PDXDC1: variants seen among roughly 807,000 people sequenced by gnomAD.
PDXDC1 encodes pyridoxal-dependent decarboxylase domain-containing protein 1.
A neutral mutation model predicts 100.1 loss-of-function variants in PDXDC1; 42 were observed. That is an observed-to-expected ratio of 0.42 (90% confidence interval 0.33 to 0.54). PDXDC1 has a LOEUF of 0.54. Ranked by LOEUF, PDXDC1 falls within the 20% of genes least tolerant of loss-of-function variation. PDXDC1 has a pLI of 0.10. For missense variants in PDXDC1, 636 were observed against 979.2 expected (o/e 0.65, Z 4.68); for synonymous variants, 260 against 371.7 (o/e 0.70, Z 3.46).
chr16:15,087,883 G>A (rs532216084), intron 16 of PDXDC1, among the ~76,000 whole-genome samples: 13 of 152,186 alleles, frequency 8.5e-5, no homozygotes, highest in Non-Finnish European at 1.9e-4. Context: ...GGGAGGCCGA[G>A]GTGGGTGGAT....
chr16:15,102,376 A>G (rs2046586294), intron 16 of PDXDC1, among the ~76,000 whole-genome samples: 2 of 151,986 alleles, frequency 1.3e-5, no homozygotes, highest in Admixed American at 1.3e-4. Flanking sequence ...GGCCTGGATG[A>G]CCTCCGGAGG....
At chr16:15,024,538 G>A (rs539893172) in intron 13 of PDXDC1, among the ~76,000 whole-genome samples, 2,052 of 152,174 alleles carry the variant, frequency 0.013, 32 homozygotes, top group African/African-American at 0.047. Context: ...TCAGCCTCCC[G>A]AGTAGCTGGG....
chr16:15,011,593 G>A (rs1424372788), intron 8 of PDXDC1, among the ~76,000 whole-genome samples: 1 of 149,452 alleles, frequency 6.7e-6, no homozygotes, highest in East Asian at 2.0e-4. Flanking sequence ...TGAAAGGCAA[G>A]TTACAGACTG....
At position 15,033,128 on chromosome 16, in the gene PDXDC1, G is replaced by T. The variant is rs865941815; in HGVS notation, c.1690+149G>T. On this transcript the variant is annotated intron_variant, in intron 18 of 22. Coordinates refer to ENST00000396410, the MANE Select transcript of PDXDC1 (RefSeq NM_015027.4). ...GGTTCTGAGACCTCCCTCCCCTTCTGCAGCCTTGCCAGGCCTTTCTCTCCG... is the reference window on the plus strand; with the variant it reads ...GGTTCTGAGACCTCCCTCCCCTTCTTCAGCCTTGCCAGGCCTTTCTCTCCG... The T allele has an allele frequency of 1.6e-5, 16 of 1,015,168 alleles. No homozygotes were observed. The Middle Eastern group carries it at 8.4e-4, about 53-fold the overall frequency. The allele number at this position is 1,015,168 out of a possible 1,614,324, so 62.9% of individuals were successfully genotyped here.
intron 16 of PDXDC1, chr16:15,085,649 A>G (rs1167318120): frequency 1.2e-6 from 2 of 1,613,274 alleles, no homozygotes; most frequent in Non-Finnish European, 1.7e-6. Context: ...TATCATCTTC[A>G]TCATCAGAAT....
intron 8 of PDXDC1, among the ~76,000 whole-genome samples, chr16:15,014,655 A>G (rs1418902534): frequency 2.0e-5 from 3 of 152,290 alleles, no homozygotes; most frequent in African/African-American, 7.2e-5. Context: ...GACCTTACAA[A>G]AGAACTACTT....
chr16:15,148,953 G>A, the PDXDC1 span, among the ~76,000 whole-genome samples: 4 of 152,298 alleles, frequency 2.6e-5, no homozygotes, highest in South Asian at 2.1e-4. Context: ...GTTTGCATCC[G>A]TGTCTAATAA....
rs778131709 is a variant in PDXDC1 at position 15,006,535 on chromosome 16, T to C, written c.531T>C (p.Tyr177=). 2 of 1,601,312 alleles carry C rather than the reference T, an allele frequency of 1.2e-6. No individual in the cohort carries two copies. The highest frequency in any genetic ancestry group is 4.5e-5 in the East Asian group (2 of 44,272). Residue 177 remains tyrosine, a synonymous_variant, in exon 6 of 23, where the codon TAT becomes TAC. Coordinates refer to ENST00000396410, the MANE Select transcript of PDXDC1 (RefSeq NM_015027.4). ...TATATAACAAGAAGCCTGTCATATA[T>C]CTTAGTGCTGCTGCTAGACCTGGCC... ...NVLYNKKPVI[Y]LSAAARPGLG...
intron 1 of PDXDC1, among the ~76,000 whole-genome samples, chr16:14,987,823 G>C (rs1969736843): frequency 1.3e-5 from 2 of 152,254 alleles, no homozygotes; most frequent in Admixed American, 1.3e-4. Context: ...TGTTGGCCAG[G>C]CTGGTCTCAA....
chr16:15,143,152 G>A (rs112954389), downstream of PDXDC1, among the ~76,000 whole-genome samples: 10,957 of 152,238 alleles, frequency 0.072, 700 homozygotes, highest in African/African-American at 0.17. Context: ...CCGAGCGTCC[G>A]ATCTGGAAGG....
downstream of PDXDC1, among the ~76,000 whole-genome samples, chr16:15,140,990 C>A (rs1416350322): frequency 1.3e-5 from 2 of 152,122 alleles, no homozygotes; most frequent in African/African-American, 2.4e-5. Context: ...AATGACCACC[C>A]GGCAGCCAGG....
intron 16 of PDXDC1, among the ~76,000 whole-genome samples, chr16:15,079,773 T>G (rs2045619072): frequency 6.6e-6 from 1 of 152,152 alleles, no homozygotes; most frequent in African/African-American, 2.4e-5. Flanking sequence ...TTTATTTGTA[T>G]TTTTATAGAG....
intron 15 of PDXDC1, chr16:15,029,687 T>C (rs1340936397): frequency 1.8e-6 from 1 of 549,884 alleles, no homozygotes; most frequent in Admixed American, 3.2e-5. Flanking sequence ...GGGTGTCGCT[T>C]AGTAATATAT....
At chr16:14,983,374 C>T (rs1283185138) in intron 1 of PDXDC1, among the ~76,000 whole-genome samples, 1 of 152,092 alleles carries the variant, frequency 6.6e-6, no homozygotes, top group African/African-American at 2.4e-5. Context: ...AGATCGAGGC[C>T]ATCATGGCTA....
chr16:14,979,892 A>G (rs1967567048), intron 1 of PDXDC1, among the ~76,000 whole-genome samples: 1 of 152,288 alleles, frequency 6.6e-6, no homozygotes, highest in Non-Finnish European at 1.5e-5. Context: ...CAAGGTTGAA[A>G]TGACCAGTTT....
At chr16:15,094,204 C>A in intron 16 of PDXDC1, 1 of 1,598,842 alleles carries the variant, frequency 6.3e-7, no homozygotes, top group South Asian at 1.1e-5. Context: ...CATCTCCCGG[C>A]AAACGCGTGT....
At chr16:15,065,982 T>A (rs2044952726) in intron 16 of PDXDC1, among the ~76,000 whole-genome samples, 2 of 152,384 alleles carry the variant, frequency 1.3e-5, no homozygotes, top group Admixed American at 6.5e-5. Context: ...ATTATGTTTT[T>A]AATTTTTCCA....
rs865829206 is a variant in PDXDC1 at position 15,061,686 on chromosome 16, G to A, written c.1399+31630G>A. 20 of 1,536,294 alleles carry A rather than the reference G, an allele frequency of 1.3e-5. 1 individual carries two copies. In the African/African-American group the frequency reaches 1.8e-4, roughly 14 times the overall value. On this transcript the variant is annotated intron_variant, in intron 16 of 16. Coordinates refer to the PDXDC1 transcript ENST00000535621. ...CCCAATGGCACAAGCTGGGTGCTGA[G>A]GGCATGACAAGTGATGGGGAATCCC...
chr16:15,011,484 C>G (rs2041257818), intron 8 of PDXDC1, among the ~76,000 whole-genome samples: 1 of 152,380 alleles, frequency 6.6e-6, no homozygotes, highest in East Asian at 1.9e-4. Context: ...TCTTTGTGAC[C>G]TTAGGTTACA....
Sources: allele counts gnomAD v4.1 joint callset (sites outside exome capture counted in the v4.1 genomes callset), GRCh38; gene constraint gnomAD v4.1.1; transcripts MANE v1.5; gene names NCBI Gene and HGNC (gene_info 2026-07-23, HGNC 2026-07-21).